Variants in SCHIP1 observed in about 807,000 individuals in gnomAD.
SCHIP1 encodes the protein schwannomin interacting protein 1, also known as schwannomin-interacting protein 1.
SCHIP1 carries 8 observed loss-of-function variants against 29.7 expected under a neutral mutation model. The ratio of observed to expected loss-of-function variants is 0.27; its 90% CI spans 0.16 to 0.49. The LOEUF is 0.49. Among genes scored for constraint, SCHIP1 ranks in the 20% least tolerant of loss-of-function variants. The pLI, the probability that SCHIP1 is intolerant of heterozygous loss-of-function variation, is 0.99. For missense variants in SCHIP1, 193 were observed against 294.6 expected (o/e 0.66, Z 2.52); for synonymous variants, 76 against 94.9 (o/e 0.80, Z 1.16).
the SCHIP1 span, among the ~76,000 whole-genome samples, chr3:159,714,620 C>G: frequency 6.6e-6 from 1 of 152,226 alleles, no homozygotes; most frequent in Non-Finnish European, 1.5e-5. Context: ...CTCGGAGGGT[C>G]CTACGCCCAC....
the SCHIP1 span, among the ~76,000 whole-genome samples, chr3:159,485,410 A>C: frequency 5.9e-5 from 9 of 152,220 alleles, no homozygotes; most frequent in African/African-American, 1.9e-4. Flanking sequence ...GGGAAAAAAC[A>C]TTCTGGAAAT....
the SCHIP1 span, chr3:159,721,920 C>G: frequency 4.7e-6 from 2 of 427,144 alleles, no homozygotes; most frequent in Non-Finnish European, 9.4e-6. Flanking sequence ...TGAGGAAACA[C>G]AAATGTTTTC....
the SCHIP1 span, among the ~76,000 whole-genome samples, chr3:159,306,273 A>G: frequency 6.6e-6 from 1 of 152,376 alleles, no homozygotes; most frequent in South Asian, 2.1e-4. Context: ...GCCAATTTCT[A>G]TAGTGAAATA....
chr3:159,456,174 T>C, the SCHIP1 span, among the ~76,000 whole-genome samples: 156 of 152,318 alleles, frequency 1.0e-3, no homozygotes, highest in African/African-American at 3.3e-3. Context: ...TGGAGCTTGC[T>C]GGGTTGGCTA....
the SCHIP1 span, among the ~76,000 whole-genome samples, chr3:159,389,515 G>A: frequency 6.6e-6 from 1 of 151,942 alleles, no homozygotes; most frequent in African/African-American, 2.4e-5. Flanking sequence ...TTTTGACTTA[G>A]CAATTCCACT....
the SCHIP1 span, among the ~76,000 whole-genome samples, chr3:159,502,236 G>A: frequency 6.6e-6 from 1 of 152,298 alleles, no homozygotes; most frequent in African/African-American, 2.4e-5. Context: ...TGAGGAGGGA[G>A]GGAAAACAAA....
the SCHIP1 span, among the ~76,000 whole-genome samples, chr3:159,776,883 C>T: frequency 5.9e-5 from 9 of 152,154 alleles, no homozygotes; most frequent in South Asian, 8.3e-4. Context: ...GGGTGGTAAA[C>T]GCGGATGCTT....
the SCHIP1 span, among the ~76,000 whole-genome samples, chr3:159,595,115 A>C: frequency 6.6e-6 from 1 of 152,124 alleles, no homozygotes; most frequent in African/African-American, 2.4e-5. Context: ...TGCTGTGAGA[A>C]CATCTATAAA....
intron 2 of SCHIP1, among the ~76,000 whole-genome samples, chr3:159,883,105 A>C (rs1296647538): frequency 6.6e-6 from 1 of 152,222 alleles, no homozygotes; most frequent in East Asian, 1.9e-4. Flanking sequence ...GGGATAACCA[A>C]GACAGACCTT....
chr3:159,298,842 C>T, the SCHIP1 span, among the ~76,000 whole-genome samples: 1 of 152,154 alleles, frequency 6.6e-6, no homozygotes, highest in Non-Finnish European at 1.5e-5. Context: ...CATCGTTGGC[C>T]CATGCCACAT....
At chr3:159,473,517 A>G in the SCHIP1 span, among the ~76,000 whole-genome samples, 4 of 151,976 alleles carry the variant, frequency 2.6e-5, no homozygotes, top group Admixed American at 1.3e-4. Context: ...TGACAGGAAA[A>G]TATATCCTTT....
the SCHIP1 span, among the ~76,000 whole-genome samples, chr3:159,696,750 G>A: frequency 2.6e-5 from 4 of 152,180 alleles, no homozygotes; most frequent in Non-Finnish European, 4.4e-5. Flanking sequence ...AGGAGGTCAG[G>A]AAAGGCTTCC....
chr3:159,453,367 A>G, the SCHIP1 span, among the ~76,000 whole-genome samples: 1 of 152,192 alleles, frequency 6.6e-6, no homozygotes, highest in African/African-American at 2.4e-5. Flanking sequence ...TGTAAACTGC[A>G]AAGCGCTGCC....
At chr3:159,699,448 C>A in the SCHIP1 span, among the ~76,000 whole-genome samples, 2 of 152,140 alleles carry the variant, frequency 1.3e-5, no homozygotes, top group African/African-American at 2.4e-5. Flanking sequence ...CCAGTAGAAG[C>A]AGGTAACACC....
At chr3:159,341,389 A>ACT in the SCHIP1 span, among the ~76,000 whole-genome samples, 2 of 151,610 alleles carry the variant, frequency 1.3e-5, no homozygotes, top group Admixed American at 1.3e-4. Context: ...TTAAAGAAAA[A>ACT]CTCTTTCTCA....
chr3:159,376,141 G>T, the SCHIP1 span, among the ~76,000 whole-genome samples: 2 of 152,052 alleles, frequency 1.3e-5, no homozygotes, highest in Non-Finnish European at 2.9e-5. Flanking sequence ...TTAGGTAACA[G>T]GGGAAAAAAG....
At chr3:159,871,896 G>C (rs1715333159) in intron 2 of SCHIP1, among the ~76,000 whole-genome samples, 1 of 152,124 alleles carries the variant, frequency 6.6e-6, no homozygotes, top group Non-Finnish European at 1.5e-5. Flanking sequence ...CAGGGCAAGA[G>C]GGTCCTTTCA....
the SCHIP1 span, among the ~76,000 whole-genome samples, chr3:159,822,118 A>G: frequency 1.3e-5 from 2 of 152,240 alleles, no homozygotes; most frequent in Admixed American, 6.5e-5. Context: ...GAAATGGCAG[A>G]TAAGGGGAGA....
At chr3:159,404,092 C>G in the SCHIP1 span, among the ~76,000 whole-genome samples, 1 of 152,158 alleles carries the variant, frequency 6.6e-6, no homozygotes, top group Admixed American at 6.5e-5. Context: ...AACCTACTGA[C>G]TAAAGAGCCC....
Sources: allele counts gnomAD v4.1 joint callset (sites outside exome capture counted in the v4.1 genomes callset), GRCh38; gene constraint gnomAD v4.1.1; transcripts MANE v1.5; gene names NCBI Gene and HGNC (gene_info 2026-07-23, HGNC 2026-07-21).